Variants in ZNF805 observed in about 807,000 individuals in gnomAD.
ZNF805 encodes zinc finger protein 805, also known as CTC-444N24.8.
In ZNF805, 7 loss-of-function variants were observed where a neutral mutation model predicts 13.6. That is an observed-to-expected ratio of 0.51 (90% CI 0.29 to 0.97). ZNF805 has a LOEUF of 0.97. Among genes scored for constraint, ZNF805 ranks in the 50% least tolerant of loss-of-function variants. The pLI is 0.08. For missense variants in ZNF805, 604 were observed against 771.0 expected (o/e 0.78, Z 2.57); for synonymous variants, 293 against 279.8 (o/e 1.05, Z -0.47).
chr19:57,257,063 TATATTGTTTA>T lies in ZNF805; in HGVS notation c.*2364_*2373del, dbSNP rs1474019659. On this transcript the variant is annotated 3_prime_UTR_variant, in exon 4 of 4. Coordinates refer to ENST00000414468, the MANE Select transcript of ZNF805 (RefSeq NM_001023563.4). ...CTCTAACCCAGGAATTATTTAGAAG[TATATTGTTTA>T]ATAGTGTTTGGAGTATTCCCTGCTA... Among the ~76,000 whole-genome samples the T allele has an allele frequency of 1.3e-5, 2 of 152,216 alleles. No homozygotes were observed. Among genetic ancestry groups the T allele is most frequent in the African/African-American group, 4.8e-5 (2 of 41,446 alleles).
rs1390925536 is a variant in ZNF805, at chr19:57,253,906, C to A, written c.1087C>A (p.Gln363Lys). ...CAGATCATACCTCATGTGGCACCAG[C>A]AGACTCATACCGGGGAGAAGCCCTA... ...KHRSYLMWHQ[Q>K]THTGEKPYEC... Residue 363 changes from glutamine to lysine, a missense_variant, in exon 4 of 4, where the codon CAG becomes AAG. This residue lies in a region of ZNF805 where 228 missense variants were observed against 352.8 expected (regional missense o/e 0.65). Coordinates refer to ENST00000414468, the MANE Select transcript of ZNF805 (RefSeq NM_001023563.4). The surrounding 1 kb of genome is among the most constrained non-coding windows in gnomAD (Gnocchi z 4.4). The A allele has an allele frequency of 6.2e-7, 1 of 1,613,946 alleles. No individual in the cohort carries two copies. The highest frequency in any genetic ancestry group is 2.2e-5 in the East Asian group (1 of 44,862).
In ZNF805 at chr19:57,240,650, T is replaced by C. The variant is rs986887059; in HGVS notation, c.-242T>C. 1.2e-5 allele frequency: 6 copies of C among 504,674 alleles called. No individual in the cohort carries two copies. The South Asian group carries it at 1.8e-4, about 15-fold the overall frequency. 31.3% of individuals were successfully genotyped at this position (504,674 alleles called of 1,614,324 possible). A position where few individuals can be genotyped will look rare whatever the true frequency, so the allele number is the denominator to read the frequency against. On this transcript the variant is annotated 5_prime_UTR_variant, in exon 1 of 4. Transcript: ENST00000414468. ...GAGCGACGGTTCCGTCCACGCCGGCTCTAGGGAGGGGGCGGTGTTCCGTGG... is the reference window on the plus strand; with the variant it reads ...GAGCGACGGTTCCGTCCACGCCGGCCCTAGGGAGGGGGCGGTGTTCCGTGG...
Position 57,258,078 on chromosome 19 carries a change from C to G in ZNF805, c.*3375C>G, listed in dbSNP as rs894187345. On this transcript the variant is annotated 3_prime_UTR_variant, in exon 4 of 4. Coordinates refer to ENST00000414468, the MANE Select transcript of ZNF805 (RefSeq NM_001023563.4). ...CCTGGCTGGAGTGCAGTGGCGCAGT[C>G]TGCAACCTCTGCCTCCCGGGTTCAA... Among the ~76,000 whole-genome samples, 1 of 144,132 alleles carries G rather than the reference C, an allele frequency of 6.9e-6. No individual in the cohort carries two copies. The highest frequency in any genetic ancestry group is 2.6e-5 in the African/African-American group (1 of 38,240). 94.6% of individuals were successfully genotyped at this position (144,132 alleles called of 152,430 possible).
chr19:57,252,484 C>G (rs546241942), intron 3 of ZNF805, among the ~76,000 whole-genome samples: 2 of 152,310 alleles, frequency 1.3e-5, no homozygotes, highest in Non-Finnish European at 2.9e-5. Context: ...GTTCCAAACA[C>G]AAAGCTTCCT....
chr19:57,252,167 C>T (rs2122840278), intron 3 of ZNF805, among the ~76,000 whole-genome samples: 1 of 152,270 alleles, frequency 6.6e-6, no homozygotes, highest in South Asian at 2.1e-4. Context: ...GTGTCTTTCT[C>T]ACATTCTCTC....
In ZNF805 at chr19:57,240,815, G is replaced by A. The variant is rs1691044919; in HGVS notation, c.-77G>A. 1.4e-6 allele frequency: 2 copies of A among 1,418,620 alleles called. No individual in the cohort carries two copies. Among genetic ancestry groups the A allele is most frequent in the Non-Finnish European group, 1.9e-6 (2 of 1,041,534 alleles). 87.9% of individuals were successfully genotyped at this position (1,418,620 alleles called of 1,614,324 possible). Reference sequence around the variant, plus strand: ...GTCACCGGGCCCGGCGCAGGGAAGGGGTGGGGCTCGGCTGAGCCCGCGAGA... The same window carrying A: ...GTCACCGGGCCCGGCGCAGGGAAGGAGTGGGGCTCGGCTGAGCCCGCGAGA... On this transcript the variant is annotated 5_prime_UTR_variant, in exon 1 of 4. Transcript: ENST00000414468.
At position 57,257,396 on chromosome 19, in the gene ZNF805, G is replaced by T. The variant is rs80119819; in HGVS notation, c.*2693G>T. Among the ~76,000 whole-genome samples, 346 of 152,118 alleles carry T rather than the reference G, an allele frequency of 2.3e-3. 3 individuals carry two copies. Among genetic ancestry groups the T allele is most frequent in the African/African-American group, 8.1e-3 (334 of 41,482 alleles). ...GTGGAATTACCTATTCCTCCTTTAA[G>T]TTCTATCAGTTTTTGCTCCACATAA... On this transcript the variant is annotated 3_prime_UTR_variant, in exon 4 of 4. Transcript: ENST00000414468.
At chr19:57,245,090 C>T (rs181602656) in intron 2 of ZNF805, among the ~76,000 whole-genome samples, 1 of 152,342 alleles carries the variant, frequency 6.6e-6, no homozygotes, top group Admixed American at 6.5e-5. Flanking sequence ...CCCAAGGAGA[C>T]ATTGACCTTC....
At chr19:57,247,676 T>C (rs1021944515) in intron 2 of ZNF805, among the ~76,000 whole-genome samples, 1 of 152,236 alleles carries the variant, frequency 6.6e-6, no homozygotes, top group African/African-American at 2.4e-5. Flanking sequence ...ATCATGATTA[T>C]TGTCGTTGGC....
At position 57,261,531 on chromosome 19, in the gene ZNF805, A is replaced by C. The variant is rs2087724124; in HGVS notation, c.*6828A>C. ...TTGTTCCGTAGTAGACCCTCAATAT[A>C]TATGTGTGTGTTGGTAAATGGCCAT... On this transcript the variant is annotated 3_prime_UTR_variant, in exon 4 of 4. Coordinates refer to ENST00000414468, the MANE Select transcript of ZNF805 (RefSeq NM_001023563.4). 6.0e-6 allele frequency: 1 copy of C among 166,842 alleles called. No individual in the cohort carries two copies. The highest frequency in any genetic ancestry group is 1.5e-5 in the Non-Finnish European group (1 of 68,102). The allele number at this position is 166,842 out of a possible 1,614,324, so 10.3% of individuals were successfully genotyped here. A position where few individuals can be genotyped will look rare whatever the true frequency, so the allele number is the denominator to read the frequency against.
rs2087663681 is a variant in ZNF805 at position 57,253,371 on chromosome 19, C to T, written c.552C>T (p.Asp184=). 6.4e-7 allele frequency: 1 copy of T among 1,562,108 alleles called. No homozygotes were observed. The highest frequency in any genetic ancestry group is 8.7e-7 in the Non-Finnish European group (1 of 1,152,796). The change falls in exon 4 of 4, where the codon GAC becomes GAT. Residue 184 remains aspartate (D), a synonymous_variant. Transcript: ENST00000414468. The surrounding 1 kb of genome is among the most constrained non-coding windows in gnomAD (Gnocchi z 4.4). ...DRVSLGDDVH[D]CDSHGSGKNP... is the part of the protein sequence containing the mutation. ...TCTCCTTAGGAGATGATGTCCATGA[C>T]TGTGACTCACATGGATCAGGTAAAA...
Position 57,254,596 on chromosome 19 carries a change from A to G in ZNF805, c.1777A>G (p.Asn593Asp). 1 of 1,614,114 alleles carries G rather than the reference A, an allele frequency of 6.2e-7. No homozygotes were observed. Among genetic ancestry groups the G allele is most frequent in the South Asian group, 1.1e-5 (1 of 91,078 alleles). ...CATCCAAGAACTTTTATTGGGGAAAAACTTTTTGAATGTCACCACTGAGGA... is the reference window on the plus strand; with the variant it reads ...CATCCAAGAACTTTTATTGGGGAAAGACTTTTTGAATGTCACCACTGAGGA... ...VNIQELLLGKNFLNVTTEENL... is the reference protein window; with the variant it reads ...VNIQELLLGKDFLNVTTEENL... Residue 593 changes from asparagine (N) to aspartate (D), a missense_variant, in exon 4 of 4, where the codon AAC becomes GAC. This residue lies in a region of ZNF805 where 49 missense variants were observed against 40.0 expected (regional missense o/e 1.23). Transcript: ENST00000414468.
chr19:57,259,619 G>T lies in ZNF805; in HGVS notation c.*4916G>T, dbSNP rs959709018. On this transcript the variant is annotated 3_prime_UTR_variant, in exon 4 of 4. Transcript: ENST00000414468. ...CCTCCCGGGTTCATGCCATTCTCCTGCCTCAGCCTCCCGAGTAGCTGGGAC... is the reference window on the plus strand; with the variant it reads ...CCTCCCGGGTTCATGCCATTCTCCTTCCTCAGCCTCCCGAGTAGCTGGGAC... Among the ~76,000 whole-genome samples the T allele has an allele frequency of 8.5e-5, 13 of 152,068 alleles. No individual in the cohort carries two copies.
intron 2 of ZNF805, among the ~76,000 whole-genome samples, chr19:57,247,088 G>A (rs2087624072): frequency 6.7e-6 from 1 of 150,324 alleles, no homozygotes; most frequent in African/African-American, 2.5e-5. Context: ...CTGGAGTGCA[G>A]TGGTGCAAGA....
At chr19:57,243,830 A>G in intron 1 of ZNF805, 93 bp from the exon 2 acceptor site, 3 of 1,570,858 alleles carry the variant, frequency 1.9e-6, no homozygotes, top group South Asian at 1.1e-5. Context: ...GGAGGCCCTC[A>G]GTGACTTGGG....
chr19:57,248,029 A>G (rs1388228577), intron 2 of ZNF805, among the ~76,000 whole-genome samples: 1 of 152,210 alleles, frequency 6.6e-6, no homozygotes, highest in African/African-American at 2.4e-5. Context: ...CATCATAGTG[A>G]AACCTCATTT....
chr19:57,254,766 C>T lies in ZNF805; in HGVS notation c.*63C>T. 2 of 1,483,866 alleles carry T rather than the reference C, an allele frequency of 1.3e-6. No individual in the cohort carries two copies. The highest frequency in any genetic ancestry group is 1.8e-6 in the Non-Finnish European group (2 of 1,102,580). The allele number at this position is 1,483,866 out of a possible 1,614,324, so 91.9% of individuals were successfully genotyped here. On this transcript the variant is annotated 3_prime_UTR_variant, in exon 4 of 4. Transcript: ENST00000414468. ...GGAGTCATATTAGAAAATCACGCAG[C>T]TTAGAGCCTTATTCTCCATCCGAAT...
At chr19:57,246,242 T>C (rs1218234422) in intron 2 of ZNF805, among the ~76,000 whole-genome samples, 2 of 152,142 alleles carry the variant, frequency 1.3e-5, no homozygotes, top group Non-Finnish European at 2.9e-5. Flanking sequence ...GGTTTGATCT[T>C]GGCTCACTGC....
rs992389142 is a variant in ZNF805, at chr19:57,255,507, ATT to A, written c.*807_*808del. Among the ~76,000 whole-genome samples, 3 of 151,978 alleles carry A rather than the reference ATT, an allele frequency of 2.0e-5. No homozygotes were observed. Among genetic ancestry groups the A allele is most frequent in the Admixed American group, 6.6e-5 (1 of 15,248 alleles). ...CATAGCCTATCTTTTCATTATTTAA[ATT>A]TTCTTTGATATATTTCATTACTGTT... On this transcript the variant is annotated 3_prime_UTR_variant, in exon 4 of 4. Coordinates refer to ENST00000414468, the MANE Select transcript of ZNF805 (RefSeq NM_001023563.4).
Sources: gnomAD v4.1 joint callset for allele counts (sites outside exome capture counted in the v4.1 genomes callset) on GRCh38, gnomAD v4.1.1 for gene constraint, gnomAD v4.1.1 regional missense constraint, Gnocchi (gnomAD v3.1) non-coding constraint, MANE v1.5 for transcripts, NCBI Gene and HGNC (gene_info 2026-07-23, HGNC 2026-07-21) for gene names.